TTN: variants seen among roughly 807,000 people sequenced by gnomAD.
TTN encodes titin.
Under a neutral mutation model 3,223.0 loss-of-function variants are expected in TTN, and 1,525 were observed. That is an observed-to-expected ratio of 0.47 (90% CI 0.45 to 0.49). The LOEUF (loss-of-function observed/expected upper bound fraction) is 0.49. Ranked by LOEUF, TTN falls within the 20% of genes least tolerant of loss-of-function variation. TTN has a pLI of 0.00. For missense variants in TTN, 40,786 were observed against 43,424.0 expected, an observed-to-expected ratio of 0.94 and a Z score of 5.40; for synonymous variants, 14,094 against 15,161.0, an observed-to-expected ratio of 0.93 and a Z score of 5.17.
Position 178,653,038 on chromosome 2 carries a change from T to C in TTN, c.38875+3A>G, listed in dbSNP as rs759636395. On this transcript the variant is annotated splice_donor_region_variant and intron_variant, in intron 199 of 362. Coordinates refer to ENST00000589042, the MANE Select transcript of TTN (RefSeq NM_001267550.2). Reference sequence around the variant, plus strand: ...TCTGAAGCCTAAAGCCAGTGACAAATACCTTTAACAGGTGGGACTTCAGGT... The same window carrying C: ...TCTGAAGCCTAAAGCCAGTGACAAACACCTTTAACAGGTGGGACTTCAGGT... 2.5e-6 allele frequency: 4 copies of C among 1,613,030 alleles called. No individual in the cohort carries two copies. The highest frequency in any genetic ancestry group is 3.4e-6 in the Non-Finnish European group (4 of 1,179,450).
chr2:178,689,239 CAA>C, intron 124 of TTN, 49 bp downstream of exon 124: 1 of 1,600,112 alleles, frequency 6.2e-7, no homozygotes, highest in Non-Finnish European at 8.5e-7. Flanking sequence ...ACAAAACTAA[CAA>C]AATCACTGGA....
intron 282 of TTN, among the ~76,000 whole-genome samples, chr2:178,602,931 A>G (rs1321182507): frequency 6.6e-6 from 1 of 152,038 alleles, no homozygotes; most frequent in East Asian, 1.9e-4. Context: ...TACTGAAAAC[A>G]TGATTTAAAT....
In TTN at chr2:178,570,099, C is replaced by T. The variant is rs776220122; in HGVS notation, c.76033G>A (p.Asp25345Asn). 1.9e-6 allele frequency: 3 copies of T among 1,613,308 alleles called. No individual in the cohort carries two copies. In the African/African-American group the frequency reaches 4.0e-5, roughly 22 times the overall value. The change falls in exon 326 of 363, where the codon GAT becomes AAT. Residue 25345 changes from aspartate to asparagine, a missense_variant. Transcript: ENST00000589042. ...EILGYVLEKR[D>N]KEGIRWTRCH... ...CTTGTCCATCTAATGCCTTCTTTAT[C>T]CCGTTTCTCAAGAACATATCCAAGA... is the stretch of plus-strand genomic sequence containing the variant.
In TTN at chr2:178,756,095, T is replaced by A. The variant is rs542797134; in HGVS notation, c.11254+127A>T. The A allele has an allele frequency of 8.3e-6, 6 of 726,636 alleles. No individual in the cohort carries two copies. In the African/African-American group the frequency reaches 1.1e-4, roughly 13 times the overall value. The allele number at this position is 726,636 out of a possible 1,614,324, so 45.0% of individuals were successfully genotyped here. The stretch of plus-strand genomic sequence containing the variant: ...GACTTGGCTGACTTTCAGAAGTCAC[T>A]TATGAATAGGGTGCTAATTTAGAGA... On this transcript the variant is annotated intron_variant, in intron 46 of 362. Transcript: ENST00000589042.
intron 24 of TTN, 88 bp from the exon 25 acceptor site, chr2:178,778,063 T>A: frequency 1.3e-6 from 2 of 1,517,082 alleles, no homozygotes; most frequent in Non-Finnish European, 1.8e-6. Context: ...ATTATTCATG[T>A]TATTTTAGAA....
Position 178,584,530 on chromosome 2 carries a change from T to TC in TTN, c.65020dup (p.Asp21674GlyfsTer12), listed in dbSNP as rs748121905. ...TCTGTCCCAAGCAACAAAAATACAG[T>TC]CCTTGTTGACTTTGGTGACTCGTGC... On this transcript the variant is annotated frameshift_variant, in exon 311 of 363. Transcript: ENST00000589042. LOFTEE classifies it high-confidence loss of function. 1 of 1,613,102 alleles carries TC rather than the reference T, an allele frequency of 6.2e-7. No individual in the cohort carries two copies.
In TTN at chr2:178,689,320, T is replaced by C. The variant is rs774026601; in HGVS notation, c.31981A>G (p.Lys10661Glu). 2 of 1,613,836 alleles carry C rather than the reference T, an allele frequency of 1.2e-6. No homozygotes were observed. The highest frequency in any genetic ancestry group is 1.7e-6 in the Non-Finnish European group (2 of 1,179,838). ...GGTGGTGGTGGAACTTCTTCCTCCT[T>C]CCGAGGAACAGGTTTCCTTTCTTCA... is the stretch of plus-strand genomic sequence containing the variant. ...VPEERKPVPRKEEEVPPPPKV... is the reference protein window; with the variant it reads ...VPEERKPVPREEEEVPPPPKV... Residue 10661 changes from lysine to glutamate, a missense_variant, in exon 124 of 363, where the codon AAG becomes GAG. Coordinates refer to ENST00000589042, the MANE Select transcript of TTN (RefSeq NM_001267550.2).
rs1223537376 is a variant in TTN, at chr2:178,617,326, T to C, written c.47759A>G (p.Lys15920Arg). 1 of 1,571,136 alleles carries C rather than the reference T, an allele frequency of 6.4e-7. No homozygotes were observed. The highest frequency in any genetic ancestry group is 1.2e-5 in the South Asian group (1 of 82,886). ...NMKLVPELTYKVTGLEKGNKY... is the reference protein window; with the variant it reads ...NMKLVPELTYRVTGLEKGNKY... ...CTTTTTTATATGCAAATGACCTACC[T>C]TGTAAGTCAGTTCAGGGACAAGTTT... is the stretch of plus-strand genomic sequence containing the variant. The change falls in exon 254 of 363, where the codon AAG becomes AGG. Residue 15920 changes from lysine to arginine, a missense_variant and splice_region_variant. Physicochemically the swap from Lys to Arg is conservative, Grantham distance 26. Coordinates refer to ENST00000589042, the MANE Select transcript of TTN (RefSeq NM_001267550.2).
chr2:178,774,299 T>A lies in TTN; in HGVS notation c.6965A>T (p.Asn2322Ile), dbSNP rs1283394684. 1 of 1,614,114 alleles carries A rather than the reference T, an allele frequency of 6.2e-7. No individual in the cohort carries two copies. Among genetic ancestry groups the A allele is most frequent in the Non-Finnish European group, 8.5e-7 (1 of 1,179,982 alleles). The change falls in exon 30 of 363, where the codon AAC becomes ATC. Residue 2322 changes from asparagine to isoleucine, a missense_variant. Asn to Ile is a moderately radical substitution (Grantham distance 149, BLOSUM62 -3). Coordinates refer to ENST00000589042, the MANE Select transcript of TTN (RefSeq NM_001267550.2). ...YTITSRRGRQ[N>I]LTVKDVTKED... is the part of the protein sequence containing the mutation. ...CTTGGTTACATCCTTGACCGTGAGG[T>A]TCTGACGTCCACGACGAGATGTAAT...
Position 178,707,692 on chromosome 2 carries a change from C to T in TTN, c.28875G>A (p.Lys9625=), listed in dbSNP as rs1416168080. ...GSEPIRIQWL[K]AGREIKPSDR... is the part of the protein sequence containing the mutation. ...CTGAAGGCTTTATTTCCCTGCCAGC[C>T]TTCAACCACTGGATCCTAATTGGCT... Residue 9625 remains lysine (K), a synonymous_variant, in exon 100 of 363, where the codon AAG becomes AAA. Coordinates refer to ENST00000589042, the MANE Select transcript of TTN (RefSeq NM_001267550.2). 1 of 1,613,948 alleles carries T rather than the reference C, an allele frequency of 6.2e-7. No homozygotes were observed. Among genetic ancestry groups the T allele is most frequent in the South Asian group, 1.1e-5 (1 of 91,082 alleles).
In TTN at chr2:178,740,192, G is replaced by A; in HGVS notation, c.13041C>T (p.Asp4347=). 2 of 1,613,442 alleles carry A rather than the reference G, an allele frequency of 1.2e-6. No homozygotes were observed. The highest frequency in any genetic ancestry group is 1.7e-6 in the Non-Finnish European group (2 of 1,179,692). Residue 4347 remains aspartate (D), a synonymous_variant, in exon 48 of 363, where the codon GAC becomes GAT. Coordinates refer to ENST00000589042, the MANE Select transcript of TTN (RefSeq NM_001267550.2). ...TTTGGTCTGGGGGCATCACCACGTTGTCAGAATGCTCTTCTTTGAGCAGTA... is the reference window on the plus strand; with the variant it reads ...TTTGGTCTGGGGGCATCACCACGTTATCAGAATGCTCTTCTTTGAGCAGTA... ...KQVLLKEEHS[D]NVVMPPDQII... is the part of the protein sequence containing the mutation.
intron 236 of TTN, 54 bp downstream of exon 236, chr2:178,632,093 C>T: frequency 6.7e-7 from 1 of 1,486,218 alleles, no homozygotes; most frequent in Non-Finnish European, 8.9e-7. Flanking sequence ...ATAGATACTC[C>T]ACAAATTTCT....
intron 79 of TTN, 81 bp from the exon 80 acceptor site, chr2:178,720,744 G>C (rs1296604446): frequency 3.5e-6 from 5 of 1,420,074 alleles, no homozygotes; most frequent in Non-Finnish European, 4.7e-6. Flanking sequence ...ACCTTGAAGA[G>C]TGACTGGTGT....
In TTN at chr2:178,538,669, T is replaced by G. The variant is rs1553507202; in HGVS notation, c.99160A>C (p.Lys33054Gln). 1 of 1,613,664 alleles carries G rather than the reference T, an allele frequency of 6.2e-7. No homozygotes were observed. Among genetic ancestry groups the G allele is most frequent in the African/African-American group, 1.3e-5 (1 of 74,898 alleles). Reference sequence around the variant, plus strand: ...CCTCCTATTGTGAATTGCTTGTCCTTAATACGTTCCTTATTGCTCTTCTTC... The same window carrying G: ...CCTCCTATTGTGAATTGCTTGTCCTGAATACGTTCCTTATTGCTCTTCTTC... ...AWKKSNKERIKDKQFTIGGLL... is the reference protein window; with the variant it reads ...AWKKSNKERIQDKQFTIGGLL... Residue 33054 changes from lysine (K) to glutamine (Q), a missense_variant, in exon 354 of 363, where the codon AAG becomes CAG. Physicochemically the swap from Lys to Gln is moderately conservative, Grantham distance 53. Transcript: ENST00000589042.
intron 147 of TTN, among the ~76,000 whole-genome samples, chr2:178,676,684 C>T (rs2068134118): frequency 1.3e-5 from 2 of 151,756 alleles, no homozygotes; most frequent in South Asian, 2.1e-4. Context: ...GAGAGTAATA[C>T]AACAAGGTGT....
Position 178,540,203 on chromosome 2 carries a change from T to C in TTN, c.97963A>G (p.Thr32655Ala). ...GTTAGAGTATACTCTCGAATCTTGG[T>C]TGGAGTGGTGTTACACTTGGTCCAT... ...HEWTKCNTTP[T>A]KIREYTLTHL... The change falls in exon 351 of 363, where the codon ACC becomes GCC. Residue 32655 changes from threonine to alanine, a missense_variant. Coordinates refer to ENST00000589042, the MANE Select transcript of TTN (RefSeq NM_001267550.2). 6.2e-7 allele frequency: 1 copy of C among 1,613,816 alleles called. No individual in the cohort carries two copies. The highest frequency in any genetic ancestry group is 8.5e-7 in the Non-Finnish European group (1 of 1,179,774).
intron 241 of TTN, 39 bp from the exon 242 acceptor site, chr2:178,624,770 C>T: frequency 1.9e-6 from 3 of 1,603,138 alleles, no homozygotes; most frequent in Non-Finnish European, 2.5e-6. Flanking sequence ...TACTCCTTTC[C>T]TTCTCCAAGA....
rs768738299 is a variant in TTN at position 178,719,574 on chromosome 2, G to A, written c.23918C>T (p.Thr7973Ile). The part of the protein sequence containing the change: ...VKNSVGKSNC[T>I]VSVHVSDRIV... ...CTCACCAGAAACATGGACGGATACA[G>A]TGCAGTTACTTTTGCCAACACTGTT... Residue 7973 changes from threonine to isoleucine, a missense_variant, in exon 82 of 363, where the codon ACT (threonine) becomes ATT (isoleucine). By Grantham distance (89) the Thr-to-Ile change is moderately conservative (BLOSUM62 -1). Coordinates refer to ENST00000589042, the MANE Select transcript of TTN (RefSeq NM_001267550.2). 1 of 1,610,676 alleles carries A rather than the reference G, an allele frequency of 6.2e-7. No homozygotes were observed. The highest frequency in any genetic ancestry group is 1.3e-5 in the African/African-American group (1 of 74,990).
rs368057764 is a variant in TTN, at chr2:178,618,703, G to A, written c.46847C>T (p.Thr15616Met). 9.7e-5 allele frequency: 156 copies of A among 1,612,064 alleles called. No homozygotes were observed. Among genetic ancestry groups the A allele is most frequent in the South Asian group, 7.3e-4 (66 of 91,016 alleles). Residue 15616 changes from threonine to methionine, a missense_variant, in exon 251 of 363, where the codon ACG (threonine) becomes ATG (methionine). By Grantham distance (81) the Thr-to-Met change is moderately conservative (BLOSUM62 -1). Transcript: ENST00000589042. Reference protein sequence around the residue: ...EPLSTKTIDTTAEQTSFRILE... With the variant: ...EPLSTKTIDTMAEQTSFRILE... ...AATTCTGAAAGAAGTTTGTTCAGCC[G>A]TAGTATCAATGGTTTTTGTAGATAA...
Sources: gnomAD v4.1 joint callset for allele counts (sites outside exome capture counted in the v4.1 genomes callset) on GRCh38, gnomAD v4.1.1 for gene constraint, MANE v1.5 for transcripts, NCBI Gene and HGNC (gene_info 2026-07-23, HGNC 2026-07-21) for gene names.